PTPN2: variants seen among roughly 807,000 people sequenced by gnomAD.
PTPN2 encodes tyrosine-protein phosphatase non-receptor type 2.
Under a neutral mutation model 57.3 loss-of-function variants are expected in PTPN2, and 19 were observed. That is an observed-to-expected ratio of 0.33 (90% CI 0.23 to 0.49). The LOEUF (loss-of-function observed/expected upper bound fraction) is 0.49, where lower values mean the gene tolerates loss of function less well. Ranked by LOEUF, PTPN2 falls within the 20% of genes least tolerant of loss-of-function variation. The pLI, the probability that PTPN2 is intolerant of heterozygous loss-of-function variation, is 0.99. For missense variants in PTPN2, 358 were observed against 501.1 expected, an observed-to-expected ratio of 0.71 and a Z score of 2.73; for synonymous variants, 153 against 164.9, an observed-to-expected ratio of 0.93 and a Z score of 0.55.
At chr18:12,832,389 T>C (rs2042701316) in intron 3 of PTPN2, among the ~76,000 whole-genome samples, 1 of 152,162 alleles carries the variant, frequency 6.6e-6, no homozygotes, top group African/African-American at 2.4e-5. Flanking sequence ...AGTGCTGGGA[T>C]TACAGGTATC....
intron 1 of PTPN2, among the ~76,000 whole-genome samples, chr18:12,869,943 T>C (rs1043040083): frequency 2.6e-5 from 4 of 152,070 alleles, no homozygotes; most frequent in Non-Finnish European, 4.4e-5. Context: ...ACACCATTAC[T>C]TTAGGATGGT....
chr18:12,846,408 G>C (rs2043207423), intron 2 of PTPN2, among the ~76,000 whole-genome samples: 1 of 152,148 alleles, frequency 6.6e-6, no homozygotes, highest in Non-Finnish European at 1.5e-5. Flanking sequence ...CCTCATTTAT[G>C]TATTCATTTG....
At chr18:12,804,247 A>C in intron 7 of PTPN2, among the ~76,000 whole-genome samples, 1 of 135,806 alleles carries the variant, frequency 7.4e-6, no homozygotes, top group Non-Finnish European at 1.5e-5. Context: ...AGCCAAAATC[A>C]TGCCACTGCA....
chr18:12,854,916 C>A (rs952859838), intron 2 of PTPN2, among the ~76,000 whole-genome samples: 4 of 152,076 alleles, frequency 2.6e-5, no homozygotes, highest in Non-Finnish European at 5.9e-5. Flanking sequence ...TTTGAGAGGC[C>A]GAGGTGGGCC....
chr18:12,801,817 C>T (rs765990456), intron 8 of PTPN2, 153 bp downstream of exon 8: 1 of 740,620 alleles, frequency 1.4e-6, no homozygotes, highest in Non-Finnish European at 2.2e-6. Context: ...GATCTTCCCT[C>T]CTTGGCCTCC....
downstream of PTPN2, chr18:12,787,235 C>T (rs1316316830): frequency 6.6e-6 from 1 of 152,092 alleles, no homozygotes; most frequent in African/African-American, 2.4e-5. Context: ...ACTTAAATAT[C>T]TCATTTAAAT....
At chr18:12,837,923 C>CT (rs1236606826) in intron 2 of PTPN2, among the ~76,000 whole-genome samples, 2 of 152,162 alleles carry the variant, frequency 1.3e-5, no homozygotes, top group Non-Finnish European at 2.9e-5. Context: ...ACAGGAAAAA[C>CT]TAAGATCTTG....
chr18:12,798,714 A>T lies in PTPN2; in HGVS notation c.1040+3256T>A, dbSNP rs1053586389. Among the ~76,000 whole-genome samples the T allele has an allele frequency of 2.0e-5, 3 of 152,200 alleles. No homozygotes were observed. In the East Asian group the frequency reaches 5.8e-4, roughly 29 times the overall value. ...TATGGTGAATAGTGCTGCAATCAAC[A>T]TACGCGTGTGTTTACATCTTTACAG... On this transcript the variant is annotated intron_variant, in intron 8 of 8. Coordinates refer to ENST00000309660, the MANE Select transcript of PTPN2 (RefSeq NM_002828.4).
chr18:12,831,693 GA>G (rs1304220140), intron 3 of PTPN2, among the ~76,000 whole-genome samples: 3 of 152,114 alleles, frequency 2.0e-5, no homozygotes, highest in Non-Finnish European at 2.9e-5. Context: ...GAAAAAGTAG[GA>G]ATCATTAAAG....
At chr18:12,838,650 G>C (rs1214114658) in intron 2 of PTPN2, among the ~76,000 whole-genome samples, 1 of 152,166 alleles carries the variant, frequency 6.6e-6, no homozygotes, top group African/African-American at 2.4e-5. Flanking sequence ...TTAATATACA[G>C]AGTCAACAAA....
intron 2 of PTPN2, among the ~76,000 whole-genome samples, chr18:12,842,054 G>A (rs2145416489): frequency 6.6e-6 from 1 of 152,216 alleles, no homozygotes; most frequent in South Asian, 2.1e-4. Flanking sequence ...TTACAGGCAT[G>A]TGCCACCACG....
intron 2 of PTPN2, among the ~76,000 whole-genome samples, chr18:12,854,666 A>T (rs2043522850): frequency 6.6e-6 from 1 of 152,212 alleles, no homozygotes; most frequent in African/African-American, 2.4e-5. Flanking sequence ...CCACGACTGC[A>T]GATGAGATTT....
intron 1 of PTPN2, among the ~76,000 whole-genome samples, chr18:12,880,197 CAA>C (rs1212858557): frequency 6.6e-6 from 1 of 152,108 alleles, no homozygotes; most frequent in African/African-American, 2.4e-5. Flanking sequence ...TGTGCCAAGG[CAA>C]AGAGAACAAC....
intron 6 of PTPN2, among the ~76,000 whole-genome samples, 162 bp downstream of exon 6, chr18:12,816,994 T>C (rs563669890): frequency 1.1e-4 from 16 of 152,224 alleles, no homozygotes; most frequent in Admixed American, 9.2e-4. Context: ...TAAGAGGCAG[T>C]TGCAACGGTG....
In PTPN2 at chr18:12,793,187, A is replaced by T. The variant is rs950501205; in HGVS notation, c.*1091T>A. ...TCTGAGGAAAGCTAGCATTCAAATG[A>T]GCAGTTAAATTCATTAAACAGTTTG... On this transcript the variant is annotated 3_prime_UTR_variant, in exon 9 of 9. Coordinates refer to ENST00000309660, the MANE Select transcript of PTPN2 (RefSeq NM_002828.4). 9.7e-5 allele frequency: 96 copies of T among 984,842 alleles called. No individual in the cohort carries two copies. Among genetic ancestry groups the T allele is most frequent in the Admixed American group, 3.7e-4 (6 of 16,282 alleles). The allele number at this position is 984,842 out of a possible 1,614,324, so 61.0% of individuals were successfully genotyped here.
chr18:12,800,882 G>T (rs2145245229), intron 8 of PTPN2, among the ~76,000 whole-genome samples: 1 of 152,326 alleles, frequency 6.6e-6, no homozygotes, highest in Admixed American at 6.5e-5. Flanking sequence ...TCTTAGAAAT[G>T]TAATTGTAAT....
chr18:12,853,406 G>A (rs2043462495), intron 2 of PTPN2, among the ~76,000 whole-genome samples: 1 of 152,188 alleles, frequency 6.6e-6, no homozygotes, highest in African/African-American at 2.4e-5. Context: ...TTTCCAAAGT[G>A]TTGGGATTAT....
chr18:12,805,317 T>C (rs997139094), intron 7 of PTPN2, among the ~76,000 whole-genome samples: 2 of 151,212 alleles, frequency 1.3e-5, no homozygotes, highest in Non-Finnish European at 1.5e-5. Context: ...AATAGCTGGG[T>C]GTGGTGGTGC....
intron 2 of PTPN2, chr18:12,840,649 C>A: frequency 1.9e-6 from 3 of 1,554,700 alleles, no homozygotes; most frequent in East Asian, 2.3e-5. Context: ...GAAGTCAAGT[C>A]ATCACAAGTG....
Sources: allele counts gnomAD v4.1 joint callset (sites outside exome capture counted in the v4.1 genomes callset), GRCh38; gene constraint gnomAD v4.1.1; transcripts MANE v1.5; gene names NCBI Gene and HGNC (gene_info 2026-07-23, HGNC 2026-07-21).